Variants in SLC25A17 observed in about 807,000 individuals in gnomAD.
The protein encoded by SLC25A17 is peroxisomal membrane protein PMP34.
In SLC25A17, 26 loss-of-function variants were observed where a neutral mutation model predicts 38.5. The ratio of observed to expected loss-of-function variants is 0.68; its 90% confidence interval spans 0.50 to 0.94. The LOEUF (loss-of-function observed/expected upper bound fraction) is 0.94, where lower values mean the gene tolerates loss of function less well. Ranked by LOEUF, SLC25A17 falls within the 40% of genes least tolerant of loss-of-function variation. The pLI is 0.00. For synonymous variants in SLC25A17, 139 were observed against 136.2 expected (o/e 1.02, Z -0.14); for missense variants, 333 against 372.7 (o/e 0.89, Z 0.88).
intron 2 of SLC25A17, 38 bp from the exon 3 acceptor site, chr22:40,794,618 A>T (rs757553295): frequency 2.5e-5 from 32 of 1,302,418 alleles, no homozygotes; most frequent in East Asian, 2.4e-4. Flanking sequence ...TTTATTAATT[A>T]AAAAAAAAAT....
intron 1 of SLC25A17, among the ~76,000 whole-genome samples, chr22:40,811,481 G>A (rs1381844186): frequency 6.6e-6 from 1 of 151,760 alleles, no homozygotes; most frequent in African/African-American, 2.4e-5. Context: ...CCAGGCTGGA[G>A]TGCAGTGGTG....
At chr22:40,798,695 T>G (rs143927837) in intron 2 of SLC25A17, among the ~76,000 whole-genome samples, 61 of 128,086 alleles carry the variant, frequency 4.8e-4, no homozygotes, top group Non-Finnish European at 8.9e-4. Context: ...AGGCTGGGTA[T>G]GGTGGCTCAT....
At chr22:40,800,774 A>G (rs1313611773) in intron 1 of SLC25A17, among the ~76,000 whole-genome samples, 8 of 150,042 alleles carry the variant, frequency 5.3e-5, no homozygotes. Flanking sequence ...TGGGTGACAA[A>G]GCGAGAGTCT....
chr22:40,812,025 C>CT lies in SLC25A17; in HGVS notation c.54+7169dup, dbSNP rs201127176. On this transcript the variant is annotated intron_variant, in intron 1 of 8. Transcript: ENST00000435456. Reference sequence around the variant, plus strand: ...GACACCTGGATTTCTTTCTTTTTCTCTTTTTCTTTCTCTCTCTCTCTCTCT... The same window carrying CT: ...GACACCTGGATTTCTTTCTTTTTCTCTTTTTTCTTTCTCTCTCTCTCTCTCT... Among the ~76,000 whole-genome samples, 374 of 151,672 alleles carry CT rather than the reference C, an allele frequency of 2.5e-3. 10 individuals are homozygous for CT. In the East Asian group the frequency reaches 0.059, roughly 24 times the overall value.
intron 8 of SLC25A17, among the ~76,000 whole-genome samples, chr22:40,772,657 A>G (rs929621882): frequency 5.3e-4 from 80 of 149,988 alleles, no homozygotes; most frequent in African/African-American, 1.8e-3. Flanking sequence ...TTTTTTTTAT[A>G]CAAGGTCTTG....
At chr22:40,775,221 C>T (rs1392124878) in intron 7 of SLC25A17, among the ~76,000 whole-genome samples, 2 of 152,180 alleles carry the variant, frequency 1.3e-5, no homozygotes, top group Non-Finnish European at 2.9e-5. Flanking sequence ...CACCCTGAGC[C>T]ACTCTACTGC....
chr22:40,775,494 T>TA (rs2057233563), intron 7 of SLC25A17, among the ~76,000 whole-genome samples: 1 of 140,002 alleles, frequency 7.1e-6, no homozygotes. Context: ...TCTCGCTCTG[T>TA]CGCCCAGGCC....
chr22:40,806,926 A>G (rs575791394), intron 1 of SLC25A17, among the ~76,000 whole-genome samples: 16 of 152,230 alleles, frequency 1.1e-4, no homozygotes, highest in South Asian at 4.1e-4. Context: ...CAATCATTGT[A>G]TACTACAGCC....
At chr22:40,773,904 G>A in intron 8 of SLC25A17, 33 bp downstream of exon 8, 1 of 1,419,470 alleles carries the variant, frequency 7.0e-7, no homozygotes, top group Non-Finnish European at 1.0e-6. Flanking sequence ...TGCTGAAGGA[G>A]AGCACGGAAT....
chr22:40,796,908 A>G (rs2057436138), intron 2 of SLC25A17, among the ~76,000 whole-genome samples: 1 of 152,232 alleles, frequency 6.6e-6, no homozygotes, highest in Non-Finnish European at 1.5e-5. Context: ...GCTGATTCAG[A>G]AGGCATCTAA....
intron 5 of SLC25A17, 136 bp downstream of exon 5, chr22:40,778,873 T>C: frequency 1.4e-6 from 1 of 709,356 alleles, no homozygotes; most frequent in African/African-American, 1.8e-5. Context: ...CTTAAACAAA[T>C]TTACAAGAAA....
At chr22:40,785,727 TAA>T (rs1389227744) in intron 4 of SLC25A17, among the ~76,000 whole-genome samples, 1 of 152,006 alleles carries the variant, frequency 6.6e-6, no homozygotes, top group East Asian at 1.9e-4. Flanking sequence ...AATTTTTTTC[TAA>T]GAGACAGGGT....
intron 2 of SLC25A17, among the ~76,000 whole-genome samples, chr22:40,794,915 C>T (rs987468259): frequency 2.0e-5 from 3 of 151,896 alleles, no homozygotes; most frequent in East Asian, 1.9e-4. Flanking sequence ...CACCGTGCCC[C>T]GCCTATTTTT....
chr22:40,775,714 C>T (rs1182813697), intron 7 of SLC25A17, among the ~76,000 whole-genome samples: 4 of 151,930 alleles, frequency 2.6e-5, no homozygotes, highest in South Asian at 2.1e-4. Flanking sequence ...CCACCCGCCT[C>T]GGCCTCCCAA....
intron 1 of SLC25A17, among the ~76,000 whole-genome samples, chr22:40,809,792 C>A (rs554452153): frequency 6.6e-6 from 1 of 151,932 alleles, no homozygotes; most frequent in Non-Finnish European, 1.5e-5. Context: ...TGAACAGAGG[C>A]CATTAACTAC....
intron 1 of SLC25A17, among the ~76,000 whole-genome samples, chr22:40,801,130 TATATATATATATATATATATATATATA>T (rs1569410153): frequency 0.012 from 234 of 19,380 alleles, 4 homozygotes; most frequent in African/African-American, 0.042. Flanking sequence ...ATATATTACA[TATATATATATATATATATATATATATA>T]TATATATATA....
intron 4 of SLC25A17, chr22:40,779,706 G>A (rs951115044): frequency 1.9e-5 from 3 of 156,762 alleles, no homozygotes; most frequent in African/African-American, 7.2e-5. Flanking sequence ...GCAAGCATCA[G>A]GTAAGTGTCA....
Position 40,799,068 on chromosome 22 carries a change from T to A in SLC25A17, c.70A>T (p.Met24Leu). Residue 24 changes from methionine (M) to leucine (L), a missense_variant, in exon 2 of 9, where the codon ATG (methionine) becomes TTG (leucine). Physicochemically the swap from Met to Leu is conservative, Grantham distance 15. Coordinates refer to ENST00000435456, the MANE Select transcript of SLC25A17 (RefSeq NM_006358.4). ...VAGAVGSVTA[M>L]TVFFPLDTAR... ...GTATCCAGGGGAAAAAACACTGTCA[T>A]TGCTGTCACGCTTCCCTGAAAAGTT... 1.2e-6 allele frequency: 2 copies of A among 1,613,774 alleles called. No individual in the cohort carries two copies. Among genetic ancestry groups the A allele is most frequent in the Non-Finnish European group, 1.7e-6 (2 of 1,179,730 alleles).
chr22:40,816,877 C>A (rs1369491248), intron 1 of SLC25A17, among the ~76,000 whole-genome samples: 1 of 152,178 alleles, frequency 6.6e-6, no homozygotes, highest in Non-Finnish European at 1.5e-5. Flanking sequence ...TCCCAAAGTG[C>A]TGGGATTACA....
Sources: allele counts gnomAD v4.1 joint callset (sites outside exome capture counted in the v4.1 genomes callset), GRCh38; gene constraint gnomAD v4.1.1; transcripts MANE v1.5; gene names NCBI Gene and HGNC (gene_info 2026-07-23, HGNC 2026-07-21).